NPAS2: variants seen among roughly 807,000 people sequenced by gnomAD.
The protein encoded by NPAS2 is neuronal PAS domain protein 2, also known as neuronal PAS domain-containing protein 2.
NPAS2 carries 23 observed loss-of-function variants against 107.5 expected under a neutral mutation model. That is an observed-to-expected ratio of 0.21 (90% CI 0.15 to 0.30). The LOEUF (loss-of-function observed/expected upper bound fraction) is 0.30, where lower values mean the gene tolerates loss of function less well. Among genes scored for constraint, NPAS2 ranks in the 10% least tolerant of loss-of-function variants. The pLI is 1.00. For missense variants in NPAS2, 756 were observed against 1,043.3 expected, an observed-to-expected ratio of 0.72 and a Z score of 3.79; for synonymous variants, 403 against 417.5, an observed-to-expected ratio of 0.97 and a Z score of 0.42.
intron 5 of NPAS2, among the ~76,000 whole-genome samples, chr2:100,946,131 G>T (rs150067298): frequency 3.7e-4 from 56 of 152,346 alleles, no homozygotes; most frequent in African/African-American, 1.1e-3. Context: ...AATCGCACTT[G>T]GCATTTATTG....
chr2:100,967,496 G>C (rs59951797), intron 10 of NPAS2, among the ~76,000 whole-genome samples: 28,551 of 151,920 alleles, frequency 0.19, 3,546 homozygotes, highest in East Asian at 0.47. Context: ...AAAGTGCTGG[G>C]ATTACAGGCA....
intron 1 of NPAS2, among the ~76,000 whole-genome samples, chr2:100,858,825 C>G (rs1004031213): frequency 3.3e-5 from 5 of 152,140 alleles, no homozygotes; most frequent in African/African-American, 1.2e-4. Flanking sequence ...AGTGTGCACG[C>G]CCCGTCCTGT....
chr2:100,842,441 C>T (rs897908650), intron 1 of NPAS2, among the ~76,000 whole-genome samples: 2 of 152,064 alleles, frequency 1.3e-5, no homozygotes, highest in African/African-American at 4.8e-5. Flanking sequence ...AAGTTTCCTT[C>T]GACTGTCATC....
chr2:100,891,506 A>G (rs1681066429), intron 1 of NPAS2, among the ~76,000 whole-genome samples: 1 of 152,144 alleles, frequency 6.6e-6, no homozygotes, highest in Non-Finnish European at 1.5e-5. Context: ...TAACCAGATG[A>G]GGCGTCCCAA....
At chr2:100,972,999 A>G (rs967501491) in intron 12 of NPAS2, among the ~76,000 whole-genome samples, 1 of 152,068 alleles carries the variant, frequency 6.6e-6, no homozygotes, top group Admixed American at 6.6e-5. Flanking sequence ...ACCAACATGG[A>G]GAAACCCCGT....
chr2:100,988,339 G>T, intron 17 of NPAS2, 63 bp downstream of exon 17: 1 of 1,408,094 alleles, frequency 7.1e-7, no homozygotes, highest in South Asian at 1.2e-5. Context: ...TTGCAGTTTG[G>T]GACATACTTG....
intron 7 of NPAS2, among the ~76,000 whole-genome samples, chr2:100,953,299 G>A (rs1267121362): frequency 2.0e-5 from 3 of 151,214 alleles, no homozygotes; most frequent in African/African-American, 4.9e-5. Context: ...GCTTGAACCC[G>A]GGAGGCGGAG....
intron 2 of NPAS2, among the ~76,000 whole-genome samples, chr2:100,912,027 C>T (rs1352784284): frequency 1.3e-5 from 2 of 152,146 alleles, no homozygotes; most frequent in East Asian, 3.9e-4. Flanking sequence ...CTTTTATGGA[C>T]AGCACTGTCT....
At chr2:100,847,494 G>A (rs550478297) in intron 1 of NPAS2, among the ~76,000 whole-genome samples, 18 of 151,984 alleles carry the variant, frequency 1.2e-4, no homozygotes, top group African/African-American at 2.7e-4. Context: ...CTCAGCCTCC[G>A]GAGTAGCTGG....
chr2:100,992,899 G>A (rs1466480916), intron 19 of NPAS2, among the ~76,000 whole-genome samples: 2 of 150,844 alleles, frequency 1.3e-5, no homozygotes, highest in East Asian at 3.9e-4. Context: ...TGTTGATAGT[G>A]TTGATAGTGT....
At chr2:100,991,956 G>GC (rs1403048695) in intron 19 of NPAS2, among the ~76,000 whole-genome samples, 1 of 152,184 alleles carries the variant, frequency 6.6e-6, no homozygotes, top group Non-Finnish European at 1.5e-5. Context: ...GGCAGCCTCT[G>GC]CCCCTGAGAC....
At chr2:100,953,380 AAAAAAAAAAAC>A (rs1675358544) in intron 7 of NPAS2, among the ~76,000 whole-genome samples, 1 of 151,640 alleles carries the variant, frequency 6.6e-6, no homozygotes, top group African/African-American at 2.4e-5. Flanking sequence ...TCTCATAAAA[AAAAAAAAAAAC>A]AAAAAAAACA....
chr2:100,819,740 C>A (rs1039041907), upstream of NPAS2, among the ~76,000 whole-genome samples: 39 of 152,138 alleles, frequency 2.6e-4, no homozygotes, highest in Non-Finnish European at 4.6e-4. This position sits in a 1 kb window ranked among gnomAD's most constrained non-coding sequence, Gnocchi z 5.8. Flanking sequence ...CCTCGGCTGG[C>A]AGCCTCTAGT....
intron 1 of NPAS2, among the ~76,000 whole-genome samples, chr2:100,842,374 A>G (rs1677491684): frequency 6.6e-6 from 1 of 152,062 alleles, no homozygotes; most frequent in Non-Finnish European, 1.5e-5. Context: ...CTGCACGTAG[A>G]CAGAATGCAT....
chr2:100,870,183 GC>G (rs1403585079), intron 1 of NPAS2, among the ~76,000 whole-genome samples: 1 of 152,088 alleles, frequency 6.6e-6, no homozygotes, highest in Non-Finnish European at 1.5e-5. Context: ...ACAGGCGTGA[GC>G]CACCGCACCT....
chr2:100,952,151 CAAA>C (rs35401096), intron 7 of NPAS2, among the ~76,000 whole-genome samples: 4 of 66,784 alleles, frequency 6.0e-5, no homozygotes, highest in Non-Finnish European at 6.2e-5. Context: ...GACTCTGTCT[CAAA>C]AAAAAAAAAA....
intron 4 of NPAS2, among the ~76,000 whole-genome samples, chr2:100,933,293 G>A (rs1172018865): frequency 2.0e-5 from 3 of 152,160 alleles, no homozygotes; most frequent in Admixed American, 6.5e-5. Flanking sequence ...GGGTGGGTTC[G>A]AGGTAGGTAG....
chr2:100,823,976 T>A (rs1676223284), intron 1 of NPAS2, among the ~76,000 whole-genome samples: 1 of 152,180 alleles, frequency 6.6e-6, no homozygotes, highest in East Asian at 1.9e-4. Flanking sequence ...AGCTCAGCTA[T>A]GGCAACTTTT....
intron 1 of NPAS2, among the ~76,000 whole-genome samples, chr2:100,883,983 G>A (rs1680544758): frequency 6.6e-6 from 1 of 152,166 alleles, no homozygotes; most frequent in Non-Finnish European, 1.5e-5. Flanking sequence ...TTTGTGGAAA[G>A]AGAAGAGGAG....
Sources: gnomAD v4.1 joint callset for allele counts (sites outside exome capture counted in the v4.1 genomes callset) on GRCh38, gnomAD v4.1.1 for gene constraint, Gnocchi (gnomAD v3.1) non-coding constraint, MANE v1.5 for transcripts, NCBI Gene and HGNC (gene_info 2026-07-23, HGNC 2026-07-21) for gene names.